CSMD1: variants seen among roughly 807,000 people sequenced by gnomAD.
The protein encoded by CSMD1 is CUB and Sushi multiple domains 1, also known as CUB and sushi domain-containing protein 1.
Under a neutral mutation model 417.5 loss-of-function variants are expected in CSMD1, and 213 were observed. The observed-to-expected ratio is 0.51, with a 90% CI of 0.46 to 0.57. The LOEUF (loss-of-function observed/expected upper bound fraction) is 0.57, where lower values mean the gene tolerates loss of function less well. Among genes scored for constraint, CSMD1 ranks in the 20% least tolerant of loss-of-function variants. The pLI, the probability that CSMD1 is intolerant of heterozygous loss-of-function variation, is 0.00. For missense variants in CSMD1, 6,923 were observed against 4,529.7 expected (o/e 1.53, Z -15.17); for synonymous variants, 2,862 against 1,736.8 (o/e 1.65, Z -16.11).
At chr8:4,248,592 T>C (rs1015673491) in intron 3 of CSMD1, among the ~76,000 whole-genome samples, 1 of 152,222 alleles carries the variant, frequency 6.6e-6, no homozygotes, top group African/African-American at 2.4e-5. Context: ...TTCAAATCTG[T>C]GTTCAAATAT....
chr8:4,938,236 A>G lies in CSMD1; in HGVS notation c.85+56096T>C, dbSNP rs141044120. On this transcript the variant is annotated intron_variant, in intron 1 of 69. Coordinates refer to ENST00000635120, the MANE Select transcript of CSMD1 (RefSeq NM_033225.6). ...GAAGCTCTGGAGTGACTGGTACACT[A>G]GAAAATGGATTTCAATAATTTCCAA... Among the ~76,000 whole-genome samples the G allele has an allele frequency of 1.6e-3, 242 of 152,322 alleles. 1 individual carries two copies. The highest frequency in any genetic ancestry group is 5.6e-3 in the African/African-American group (231 of 41,564).
chr8:4,231,294 C>T (rs772024062), intron 3 of CSMD1, among the ~76,000 whole-genome samples: 2 of 152,144 alleles, frequency 1.3e-5, no homozygotes, highest in South Asian at 2.1e-4. Context: ...CTAAGAAAAG[C>T]GTGTGAGGCT....
At chr8:3,703,721 G>A (rs1010884336) in intron 7 of CSMD1, among the ~76,000 whole-genome samples, 4 of 152,144 alleles carry the variant, frequency 2.6e-5, no homozygotes, top group African/African-American at 9.7e-5. Context: ...CATCTTTCAA[G>A]TGAAAAAAGC....
At chr8:4,843,206 G>A (rs1466356032) in intron 1 of CSMD1, among the ~76,000 whole-genome samples, 8 of 152,096 alleles carry the variant, frequency 5.3e-5, no homozygotes, top group Non-Finnish European at 8.8e-5. Flanking sequence ...ATTATAGATG[G>A]AACAGGGCGC....
At chr8:4,461,915 G>A (rs966164165) in intron 2 of CSMD1, among the ~76,000 whole-genome samples, 25 of 151,592 alleles carry the variant, frequency 1.6e-4, no homozygotes, top group African/African-American at 6.1e-4. Context: ...TAATTTTTCT[G>A]TATTTTTAGA....
intron 6 of CSMD1, among the ~76,000 whole-genome samples, chr8:3,715,533 A>G (rs1350982117): frequency 6.6e-6 from 1 of 152,120 alleles, no homozygotes; most frequent in Non-Finnish European, 1.5e-5. Flanking sequence ...CAAAGCAAGC[A>G]ACCTTTTTTA....
At chr8:4,823,226 C>A (rs975598888) in intron 1 of CSMD1, among the ~76,000 whole-genome samples, 1 of 151,944 alleles carries the variant, frequency 6.6e-6, no homozygotes, top group Non-Finnish European at 1.5e-5. Flanking sequence ...TGTCTAAACT[C>A]TTTAATTGCC....
At position 2,950,305 on chromosome 8, in the gene CSMD1, C is replaced by T; in HGVS notation, c.10240G>A (p.Ala3414Thr). The change falls in exon 67 of 70, where the codon GCT becomes ACT. Residue 3414 changes from alanine (A) to threonine (T), a missense_variant. Physicochemically the swap from Ala to Thr is moderately conservative, Grantham distance 58 (BLOSUM62 0). Coordinates refer to ENST00000635120, the MANE Select transcript of CSMD1 (RefSeq NM_033225.6). ...TCTGCCTGGCCTTTAATTTGAAAAGCTTTCAGGAGTAAGTGGGCCTCCTCC... is the reference window on the plus strand; with the variant it reads ...TCTGCCTGGCCTTTAATTTGAAAAGTTTTCAGGAGTAAGTGGGCCTCCTCC... ...KKEEAHLLLKAFQIKGQADIF... is the reference protein window; with the variant it reads ...KKEEAHLLLKTFQIKGQADIF... The T allele has an allele frequency of 9.3e-6, 15 of 1,613,494 alleles. No individual in the cohort carries two copies. The highest frequency in any genetic ancestry group is 1.3e-5 in the Non-Finnish European group (15 of 1,179,472).
chr8:3,195,016 C>T (rs1796625000), intron 33 of CSMD1, among the ~76,000 whole-genome samples: 1 of 152,124 alleles, frequency 6.6e-6, no homozygotes, highest in African/African-American at 2.4e-5. Context: ...TTCCTTTTCC[C>T]TTTAAAATGT....
At chr8:4,618,370 G>T (rs186039456) in intron 2 of CSMD1, among the ~76,000 whole-genome samples, 67 of 152,154 alleles carry the variant, frequency 4.4e-4, no homozygotes, top group Admixed American at 2.1e-3. Context: ...TGTCTGCAAT[G>T]GAACAGTTTA....
intron 1 of CSMD1, among the ~76,000 whole-genome samples, chr8:4,689,750 A>T (rs1430641796): frequency 6.6e-6 from 1 of 152,170 alleles, no homozygotes; most frequent in Admixed American, 6.5e-5. Context: ...TCTGTACCTG[A>T]TGACCTCTTC....
At chr8:3,515,744 C>G (rs1797256763) in intron 10 of CSMD1, among the ~76,000 whole-genome samples, 3 of 152,172 alleles carry the variant, frequency 2.0e-5, no homozygotes, top group Non-Finnish European at 4.4e-5. Flanking sequence ...AGGTGTATGC[C>G]TTCCCCATTG....
At chr8:3,655,691 C>T (rs1321686070) in intron 7 of CSMD1, among the ~76,000 whole-genome samples, 1 of 147,460 alleles carries the variant, frequency 6.8e-6, no homozygotes, top group Non-Finnish European at 1.5e-5. Context: ...TAATCTTCCA[C>T]TGCTGTATAT....
chr8:3,322,015 A>G (rs1806185689), intron 23 of CSMD1, among the ~76,000 whole-genome samples: 1 of 152,202 alleles, frequency 6.6e-6, no homozygotes, highest in South Asian at 2.1e-4. Flanking sequence ...TTCATTACAT[A>G]TCAGTGTGGA....
At chr8:3,909,962 G>A (rs144870034) in intron 5 of CSMD1, among the ~76,000 whole-genome samples, 2 of 152,122 alleles carry the variant, frequency 1.3e-5, no homozygotes, top group African/African-American at 2.4e-5. Flanking sequence ...TGACTGATAT[G>A]CAGACAACAC....
At chr8:3,444,066 T>C (rs1486215693) in intron 12 of CSMD1, among the ~76,000 whole-genome samples, 1 of 151,996 alleles carries the variant, frequency 6.6e-6, no homozygotes, top group African/African-American at 2.4e-5. Context: ...GTCTCTTTGT[T>C]CTATACACAC....
chr8:3,627,311 A>G (rs1411605219), intron 7 of CSMD1, among the ~76,000 whole-genome samples: 2 of 152,166 alleles, frequency 1.3e-5, no homozygotes, highest in East Asian at 3.8e-4. Flanking sequence ...GAGAAGTAAA[A>G]TTTAACACGT....
intron 37 of CSMD1, among the ~76,000 whole-genome samples, chr8:3,175,472 T>TCC (rs1554451298): frequency 4.2e-5 from 1 of 23,758 alleles, no homozygotes; most frequent in Non-Finnish European, 1.3e-4. Context: ...CCTTCCTTCT[T>TCC]TTCCCTTCCT....
intron 49 of CSMD1, among the ~76,000 whole-genome samples, chr8:3,068,181 G>A (rs1289224255): frequency 1.3e-5 from 2 of 151,956 alleles, no homozygotes; most frequent in Non-Finnish European, 1.5e-5. Flanking sequence ...ATTTCTCTCT[G>A]TGGTAATTTT....
Sources: allele counts gnomAD v4.1 joint callset (sites outside exome capture counted in the v4.1 genomes callset), GRCh38; gene constraint gnomAD v4.1.1; transcripts MANE v1.5; gene names NCBI Gene and HGNC (gene_info 2026-07-23, HGNC 2026-07-21).